The following EEA1 variants were observed in gnomAD, a reference collection of about 807,000 sequenced individuals.
EEA1 encodes the protein early endosome antigen 1.
EEA1 carries 111 observed loss-of-function variants against 209.2 expected under a neutral mutation model. The ratio of observed to expected loss-of-function variants is 0.53; its 90% CI spans 0.45 to 0.62. The LOEUF is 0.62. Ranked by LOEUF, EEA1 falls within the 20% of genes least tolerant of loss-of-function variation. The pLI is 0.00. For missense variants in EEA1, 1,343 were observed against 1,530.8 expected, an observed-to-expected ratio of 0.88 and a Z score of 2.05; for synonymous variants, 536 against 540.6, an observed-to-expected ratio of 0.99 and a Z score of 0.12.
At chr12:92,847,757 TAG>T (rs1414852217) in intron 9 of EEA1, among the ~76,000 whole-genome samples, 3 of 152,210 alleles carry the variant, frequency 2.0e-5, no homozygotes, top group Non-Finnish European at 2.9e-5. Context: ...GCTTTTATAT[TAG>T]GTGTGACCTT....
chr12:92,900,671 CTT>C (rs1374063897), intron 1 of EEA1, among the ~76,000 whole-genome samples: 2 of 110,712 alleles, frequency 1.8e-5, no homozygotes, highest in Non-Finnish European at 3.8e-5. Flanking sequence ...TTTTTTTTGT[CTT>C]GTTTTATTTT....
intron 13 of EEA1, among the ~76,000 whole-genome samples, chr12:92,825,517 G>T (rs1333404914): frequency 1.3e-5 from 2 of 151,138 alleles, no homozygotes; most frequent in Non-Finnish European, 2.9e-5. Context: ...TTCAGCATTT[G>T]GGCAACCTCC....
chr12:92,905,765 G>GA (rs1880356856), intron 1 of EEA1, among the ~76,000 whole-genome samples: 1 of 152,078 alleles, frequency 6.6e-6, no homozygotes, highest in Non-Finnish European at 1.5e-5. Flanking sequence ...TTTACTGGGA[G>GA]AAAAAATGTT....
chr12:92,810,565 C>T (rs1875439344), intron 17 of EEA1, among the ~76,000 whole-genome samples: 2 of 152,140 alleles, frequency 1.3e-5, no homozygotes, highest in South Asian at 4.1e-4. Context: ...AACTTATACA[C>T]ACACGCTTCA....
At chr12:92,837,338 C>T (rs972644798) in intron 10 of EEA1, among the ~76,000 whole-genome samples, 5 of 152,076 alleles carry the variant, frequency 3.3e-5, no homozygotes, top group Non-Finnish European at 5.9e-5. Flanking sequence ...TTTAAGAATG[C>T]CTGTGACTAC....
At chr12:92,904,915 T>C (rs1274657363) in intron 1 of EEA1, among the ~76,000 whole-genome samples, 1 of 152,198 alleles carries the variant, frequency 6.6e-6, no homozygotes, top group African/African-American at 2.4e-5. Flanking sequence ...GGTTCCATTA[T>C]GTAAGCATGA....
chr12:92,830,511 TA>T (rs918243078), intron 11 of EEA1, among the ~76,000 whole-genome samples: 27 of 146,400 alleles, frequency 1.8e-4, no homozygotes, highest in African/African-American at 1.5e-4. Context: ...TCTTGTTCCC[TA>T]AAAAAAAAAA....
intron 2 of EEA1, among the ~76,000 whole-genome samples, chr12:92,880,600 G>A (rs1295444971): frequency 1.3e-5 from 2 of 152,004 alleles, no homozygotes; most frequent in Non-Finnish European, 1.5e-5. Context: ...TCAGCCTCGC[G>A]AGTAGCTGGG....
At chr12:92,888,591 C>A (rs373152221) in intron 2 of EEA1, among the ~76,000 whole-genome samples, 2,371 of 112,932 alleles carry the variant, frequency 0.021, 34 homozygotes, top group Middle Eastern at 0.044. Context: ...AACAAACAAA[C>A]AAACAAAAAA....
intron 15 of EEA1, among the ~76,000 whole-genome samples, chr12:92,813,579 T>C (rs1023893545): frequency 2.6e-5 from 4 of 152,342 alleles, no homozygotes; most frequent in African/African-American, 9.6e-5. Flanking sequence ...GGTTTTATTT[T>C]TGAAGCTCAC....
At chr12:92,861,851 A>G (rs1878168776) in intron 3 of EEA1, among the ~76,000 whole-genome samples, 1 of 152,154 alleles carries the variant, frequency 6.6e-6, no homozygotes, top group Non-Finnish European at 1.5e-5. Context: ...TTGATGAAAA[A>G]AAGAGGCTAG....
chr12:92,815,586 T>C (rs1361423525), intron 15 of EEA1, among the ~76,000 whole-genome samples: 1 of 152,174 alleles, frequency 6.6e-6, no homozygotes, highest in African/African-American at 2.4e-5. Flanking sequence ...CTATTCTATA[T>C]CATAGAATAA....
chr12:92,928,941 G>A, intron 1 of EEA1, 102 bp downstream of exon 1: 2 of 1,304,094 alleles, frequency 1.5e-6, no homozygotes, highest in South Asian at 2.7e-5. Flanking sequence ...GTGGGGCCTA[G>A]GGAAGGAAGG....
chr12:92,837,060 G>T (rs914296360), intron 10 of EEA1, among the ~76,000 whole-genome samples: 3 of 150,454 alleles, frequency 2.0e-5, no homozygotes, highest in African/African-American at 7.3e-5. Flanking sequence ...GATGGAGGTT[G>T]CAGTGAGCTG....
chr12:92,832,635 G>A lies in EEA1; in HGVS notation c.1131C>T (p.Leu377=). ...TCTCTACCTCAGATAATTCTTCTTT[G>A]AGCTTTTGAGTAGCTTCTCCTTTTT... ...LSEKGEATQK[L]KEELSEVETK... Residue 377 remains leucine, a synonymous_variant, in exon 11 of 29, where the codon CTC becomes CTT. Transcript: ENST00000322349. 2.5e-6 allele frequency: 4 copies of A among 1,613,888 alleles called. No individual in the cohort carries two copies. The highest frequency in any genetic ancestry group is 3.4e-6 in the Non-Finnish European group (4 of 1,179,950).
At chr12:92,805,064 T>C (rs1267131165) in intron 18 of EEA1, among the ~76,000 whole-genome samples, 3 of 152,292 alleles carry the variant, frequency 2.0e-5, no homozygotes, top group East Asian at 3.9e-4. Flanking sequence ...CCACTTCCAT[T>C]GGGCCCATTG....
chr12:92,861,177 C>T (rs1472149324), intron 3 of EEA1, among the ~76,000 whole-genome samples: 4 of 152,140 alleles, frequency 2.6e-5, no homozygotes, highest in South Asian at 2.1e-4. Context: ...TTATTCTGGC[C>T]GGGCACGGTG....
intron 3 of EEA1, among the ~76,000 whole-genome samples, chr12:92,863,051 G>A (rs1488589239): frequency 1.3e-5 from 2 of 152,180 alleles, no homozygotes; most frequent in African/African-American, 4.8e-5. Flanking sequence ...TATGGATGTA[G>A]ATATTACCCT....
intron 21 of EEA1, among the ~76,000 whole-genome samples, chr12:92,792,144 A>G (rs534295496): frequency 6.6e-6 from 1 of 152,328 alleles, no homozygotes; most frequent in African/African-American, 2.4e-5. Flanking sequence ...GGAAATTTAT[A>G]GCACTAAATG....
Sources: gnomAD v4.1 joint callset for allele counts (sites outside exome capture counted in the v4.1 genomes callset) on GRCh38, gnomAD v4.1.1 for gene constraint, MANE v1.5 for transcripts, NCBI Gene and HGNC (gene_info 2026-07-23, HGNC 2026-07-21) for gene names.